The following ZNF687 variants were observed in gnomAD, a reference collection of about 807,000 sequenced individuals.
The protein encoded by ZNF687 is zinc finger protein 687.
ZNF687 carries 13 observed loss-of-function variants against 71.8 expected under a neutral mutation model. That is an observed-to-expected ratio of 0.18 (90% confidence interval 0.12 to 0.29). The LOEUF (loss-of-function observed/expected upper bound fraction) is 0.29, where lower values mean the gene tolerates loss of function less well. Among genes scored for constraint, ZNF687 ranks in the 10% least tolerant of loss-of-function variants. The pLI is 1.00. For synonymous variants in ZNF687, 673 were observed against 641.6 expected, an observed-to-expected ratio of 1.05 and a Z score of -0.74; for missense variants, 1,412 against 1,625.6, an observed-to-expected ratio of 0.87 and a Z score of 2.26.
intron 1 of ZNF687, chr1:151,284,378 G>C (rs1693857066): frequency 1.7e-6 from 1 of 572,180 alleles, no homozygotes; most frequent in Non-Finnish European, 2.2e-6. Context: ...GCGAGCAGCA[G>C]GTGTTTGTGA....
At position 151,287,713 on chromosome 1, in the gene ZNF687, A is replaced by G. The variant is rs770981551; in HGVS notation, c.1422A>G (p.Gln474=). The change falls in exon 2 of 9, where the codon CAA becomes CAG. Residue 474 remains glutamine (Q), a synonymous_variant. Transcript: ENST00000336715. The surrounding 1 kb of genome is among the most constrained non-coding windows in gnomAD (Gnocchi z 5.0). ...ATGGTGCCTCGGTGGTGATGGTGCAACCTTCAAAGACAGCTACTGGGCCAA... is the reference window on the plus strand; with the variant it reads ...ATGGTGCCTCGGTGGTGATGGTGCAGCCTTCAAAGACAGCTACTGGGCCAA... ...KVNGASVVMV[Q]PSKTATGPST... 2.5e-6 allele frequency: 4 copies of G among 1,613,560 alleles called. No homozygotes were observed. The African/African-American group carries it at 4.0e-5, about 16-fold the overall frequency.
In ZNF687 at chr1:151,290,557, C is replaced by G. The variant is rs587711463; in HGVS notation, c.3203C>G (p.Ser1068Cys). 2 of 1,613,478 alleles carry G rather than the reference C, an allele frequency of 1.2e-6. No homozygotes were observed. The highest frequency in any genetic ancestry group is 1.3e-5 in the African/African-American group (1 of 75,046). ...PGRGTTLARG[S>C]SARAQGPGRK... ...CGGGGGACCACCTTGGCTCGGGGTT[C>G]CAGTGCCAGAGCCCAGGTAGGCAGA... Residue 1068 changes from serine to cysteine, a missense_variant, in exon 8 of 9, where the codon TCC (serine) becomes TGC (cysteine). Around this residue, in one of 8 missense-constraint regions of ZNF687, gnomAD observed 284 missense variants for 359.2 expected, o/e 0.79. Coordinates refer to ENST00000336715, the MANE Select transcript of ZNF687 (RefSeq NM_020832.3).
intron 7 of ZNF687, 61 bp from the exon 8 acceptor site, chr1:151,290,371 A>T: frequency 6.2e-7 from 1 of 1,613,144 alleles, no homozygotes; most frequent in Non-Finnish European, 8.5e-7. Flanking sequence ...CCCTCCTCAG[A>T]AGCAAGGGCC....
intron 3 of ZNF687, 141 bp from the exon 4 acceptor site, chr1:151,288,950 CCTCT>C: frequency 9.7e-7 from 1 of 1,028,580 alleles, no homozygotes; most frequent in Non-Finnish European, 1.4e-6. Context: ...AGCCTCTGCA[CCTCT>C]CTCCTTTCTC....
intron 7 of ZNF687, 27 bp from the exon 8 acceptor site, chr1:151,290,405 C>A (rs372150790): frequency 1.1e-5 from 18 of 1,613,546 alleles, no homozygotes; most frequent in Non-Finnish European, 1.5e-5. Flanking sequence ...TGTGCCGCTG[C>A]TGCCATCCTG....
At position 151,289,279 on chromosome 1, in the gene ZNF687, C is replaced by T; in HGVS notation, c.2471+8C>T. ...CCAAACTCAGCAGGCCAAGTGAGGC[C>T]CGGGGGAGGGCCGGGCTGGGCCAGG... On this transcript the variant is annotated splice_region_variant and intron_variant, in intron 4 of 8. Transcript: ENST00000336715. 2 of 1,613,384 alleles carry T rather than the reference C, an allele frequency of 1.2e-6. No homozygotes were observed. Among genetic ancestry groups the T allele is most frequent in the Non-Finnish European group, 1.7e-6 (2 of 1,179,612 alleles).
In ZNF687 at chr1:151,290,861, G is replaced by A. The variant is rs757803515; in HGVS notation, c.3366G>A (p.Gln1122=). 1.2e-6 allele frequency: 2 copies of A among 1,613,988 alleles called. No homozygotes were observed. Among genetic ancestry groups the A allele is most frequent in the African/African-American group, 2.7e-5 (2 of 74,930 alleles). Residue 1122 remains glutamine, a synonymous_variant, in exon 9 of 9, where the codon CAG becomes CAA. Coordinates refer to ENST00000336715, the MANE Select transcript of ZNF687 (RefSeq NM_020832.3). ...ACCGGAGCAGCAGCTCCACAGAACA[G>A]AGCCTCATGATGGGGTTGAGGGTGG... The part of the protein sequence containing the change: ...LRYRSSSSTE[Q]SLMMGLRVED...
chr1:151,289,615 G>A, intron 5 of ZNF687, 63 bp from the exon 6 acceptor site: 1 of 1,605,722 alleles, frequency 6.2e-7, no homozygotes. Context: ...CTTCAGAAGT[G>A]GGGGGCTTTG....
At position 151,289,897 on chromosome 1, in the gene ZNF687, G is replaced by A. The variant is rs1694132432; in HGVS notation, c.2854G>A (p.Gly952Ser). The change falls in exon 6 of 9, where the codon GGC (glycine) becomes AGC (serine). Residue 952 changes from glycine to serine, a missense_variant. Around this residue, in one of 8 missense-constraint regions of ZNF687, gnomAD observed 135 missense variants for 104.1 expected, o/e 1.30. Transcript: ENST00000336715. Reference sequence around the variant, plus strand: ...GCCTCGGCGGGAACTAGGGAGCAAAGGCCTCAAGGGTGGGGGTGGGGGGCC... The same window carrying A: ...GCCTCGGCGGGAACTAGGGAGCAAAAGCCTCAAGGGTGGGGGTGGGGGGCC... Reference protein sequence around the residue: ...KRPRRELGSKGLKGGGGGPGG... With the variant: ...KRPRRELGSKSLKGGGGGPGG... The A allele has an allele frequency of 1.3e-6, 2 of 1,558,140 alleles. No individual in the cohort carries two copies. Among genetic ancestry groups the A allele is most frequent in the Non-Finnish European group, 1.7e-6 (2 of 1,149,346 alleles).
At position 151,290,950 on chromosome 1, in the gene ZNF687, G is replaced by A. The variant is rs202109433; in HGVS notation, c.3455G>A (p.Arg1152Gln). The change falls in exon 9 of 9, where the codon CGA becomes CAA. Residue 1152 changes from arginine to glutamine, a missense_variant. By Grantham distance (43) the Arg-to-Gln change is conservative. Coordinates refer to ENST00000336715, the MANE Select transcript of ZNF687 (RefSeq NM_020832.3). ...TTTGCCTCCCCTGGCTCCCTGAGCCGACACCGTTTCATCAGCCACAAGAAG... is the reference window on the plus strand; with the variant it reads ...TTTGCCTCCCCTGGCTCCCTGAGCCAACACCGTTTCATCAGCCACAAGAAG... ...LCFASPGSLS[R>Q]HRFISHKKRR... The A allele has an allele frequency of 9.9e-5, 159 of 1,613,696 alleles. No individual in the cohort carries two copies. Among genetic ancestry groups the A allele is most frequent in the Non-Finnish European group, 2.3e-5 (27 of 1,180,012 alleles).
chr1:151,286,903 G>A lies in ZNF687; in HGVS notation c.612G>A (p.Glu204=), dbSNP rs1693971274. The A allele has an allele frequency of 6.2e-7, 1 of 1,613,334 alleles. No individual in the cohort carries two copies. Among genetic ancestry groups the A allele is most frequent in the Non-Finnish European group, 8.5e-7 (1 of 1,179,552 alleles). The change falls in exon 2 of 9, where the codon GAG becomes GAA. Residue 204 remains glutamate, a synonymous_variant. Coordinates refer to ENST00000336715, the MANE Select transcript of ZNF687 (RefSeq NM_020832.3). ...CCTCTTCCTTTGAGCTGGCCCAGGA[G>A]AATGGCCCAGGCATGCAGCCACCTG... is the stretch of plus-strand genomic sequence containing the variant. ...PFPSSFELAQ[E]NGPGMQPPVS... is the part of the protein sequence containing the mutation.
Position 151,290,980 on chromosome 1 carries a change from G to A in ZNF687, c.3485G>A (p.Arg1162Gln), listed in dbSNP as rs144644921. ...CGTTTCATCAGCCACAAGAAGAGAC[G>A]GGGTGTGGGTAAAGCCAGTGCCCTG... ...RHRFISHKKR[R>Q]GVGKASALGL... The change falls in exon 9 of 9, where the codon CGG (arginine) becomes CAG (glutamine). Residue 1162 changes from arginine to glutamine, a missense_variant. Around this residue, in one of 8 missense-constraint regions of ZNF687, gnomAD observed 284 missense variants for 359.2 expected, o/e 0.79. Transcript: ENST00000336715. 1.3e-4 allele frequency: 207 copies of A among 1,613,980 alleles called. 1 individual carries two copies. The African/African-American group carries it at 1.6e-3, about 12-fold the overall frequency.
At chr1:151,282,154 A>G, upstream of ZNF687, 1 of 1,184,822 alleles carries the variant, frequency 8.4e-7, no homozygotes, top group Non-Finnish European at 1.1e-6. Flanking sequence ...GAGCGGCAGT[A>G]TTTAGGGCCA....
At chr1:151,283,879 A>G (rs1331077018) in intron 1 of ZNF687, 4 of 985,030 alleles carry the variant, frequency 4.1e-6, no homozygotes, top group African/African-American at 1.8e-5. Context: ...GACTGGAGAG[A>G]GGTGGGAGAG....
Position 151,291,078 on chromosome 1 carries a change from G to A in ZNF687, c.3583G>A (p.Ala1195Thr). The A allele has an allele frequency of 6.2e-7, 1 of 1,613,742 alleles. No homozygotes were observed. Among genetic ancestry groups the A allele is most frequent in the Non-Finnish European group, 8.5e-7 (1 of 1,180,032 alleles). ...DPDGGDSPLP[A>T]SGGPLTCKVC... ...CGATGGTGGAGACTCACCCCTGCCT[G>A]CTTCTGGAGGCCCACTGACCTGTAA... Residue 1195 changes from alanine to threonine, a missense_variant, in exon 9 of 9, where the codon GCT becomes ACT. By Grantham distance (58) the Ala-to-Thr change is moderately conservative. Transcript: ENST00000336715.
At chr1:151,283,549 C>G (rs1693817735) in intron 1 of ZNF687, among the ~76,000 whole-genome samples, 2 of 151,974 alleles carry the variant, frequency 1.3e-5, no homozygotes, top group South Asian at 4.2e-4. Flanking sequence ...CACTGGGGCA[C>G]CCAAGAGGGA....
intron 1 of ZNF687, chr1:151,284,039 G>A (rs1414106148): frequency 2.0e-6 from 2 of 985,296 alleles, no homozygotes; most frequent in Non-Finnish European, 1.2e-6. Context: ...CCTGCTTGTT[G>A]GATTAGTGCC....
rs1217530426 is a variant in ZNF687 at position 151,290,857 on chromosome 1, A to G, written c.3362A>G (p.Glu1121Gly). The G allele has an allele frequency of 1.2e-6, 2 of 1,613,892 alleles. No homozygotes were observed. Among genetic ancestry groups the G allele is most frequent in the Non-Finnish European group, 1.7e-6 (2 of 1,180,002 alleles). The change falls in exon 9 of 9, where the codon GAA becomes GGA. Residue 1121 changes from glutamate to glycine, a missense_variant. This residue lies in a region of ZNF687 where 284 missense variants were observed against 359.2 expected (regional missense o/e 0.79). Transcript: ENST00000336715. ...CGCTACCGGAGCAGCAGCTCCACAG[A>G]ACAGAGCCTCATGATGGGGTTGAGG... ...PLRYRSSSST[E>G]QSLMMGLRVE...
rs766623981 is a variant in ZNF687, at chr1:151,288,002, GTCT to G, written c.1717_1719del (p.Phe573del). On this transcript the variant is annotated inframe_deletion, in exon 2 of 9. Coordinates refer to ENST00000336715, the MANE Select transcript of ZNF687 (RefSeq NM_020832.3). ...CTGCAACCACTGCGCCCGCCGCCTGGTCTTCTTCAACAAGTGCAGCCTGCTCCT... is the reference window on the plus strand; with the variant it reads ...CTGCAACCACTGCGCCCGCCGCCTGGTCTTCAACAAGTGCAGCCTGCTCCT... 3.7e-6 allele frequency: 6 copies of G among 1,613,934 alleles called. No homozygotes were observed. The highest frequency in any genetic ancestry group is 4.5e-5 in the East Asian group (2 of 44,894).
Sources: gnomAD v4.1 joint callset for allele counts (sites outside exome capture counted in the v4.1 genomes callset) on GRCh38, gnomAD v4.1.1 for gene constraint, gnomAD v4.1.1 regional missense constraint, Gnocchi (gnomAD v3.1) non-coding constraint, MANE v1.5 for transcripts, NCBI Gene and HGNC (gene_info 2026-07-23, HGNC 2026-07-21) for gene names.